ADNP: variants seen among roughly 807,000 people sequenced by gnomAD.
ADNP encodes activity dependent neuroprotector homeobox.
Under a neutral mutation model 84.9 loss-of-function variants are expected in ADNP, and 4 were observed. That is an observed-to-expected ratio of 0.05 (90% CI 0.02 to 0.11). The LOEUF is 0.11. Ranked by LOEUF, ADNP falls within the 10% of genes least tolerant of loss-of-function variation. ADNP has a pLI of 1.00. For missense variants in ADNP, 1,132 were observed against 1,326.0 expected, an observed-to-expected ratio of 0.85 and a Z score of 2.27; for synonymous variants, 554 against 468.1, an observed-to-expected ratio of 1.18 and a Z score of -2.37.
At chr20:50,927,155 TA>T (rs942903785) in intron 2 of ADNP, among the ~76,000 whole-genome samples, 1 of 152,154 alleles carries the variant, frequency 6.6e-6, no homozygotes, top group African/African-American at 2.4e-5. Context: ...GTTCTTATTT[TA>T]ATATAAATAG....
chr20:50,894,655 G>A, intron 5 of ADNP, 143 bp from the exon 6 acceptor site: 1 of 890,852 alleles, frequency 1.1e-6, no homozygotes, highest in Non-Finnish European at 1.6e-6. Context: ...AGCACTTTGG[G>A]AGGCTGAGGT....
In ADNP at chr20:50,930,954, G is replaced by GCTCCGGCTCGGCGGA. The variant is rs1006023895; in HGVS notation, c.-408_-394dup. On this transcript the variant is annotated 5_prime_UTR_variant, in exon 1 of 6. Coordinates refer to ENST00000621696, the MANE Select transcript of ADNP (RefSeq NM_001282531.3). Reference sequence around the variant, plus strand: ...GAGGGCGCGCCCGGGGCCTCGTCGCGCTCCGGCTCGGCGGACTCCGGCTCG... The same window carrying GCTCCGGCTCGGCGGA: ...GAGGGCGCGCCCGGGGCCTCGTCGCGCTCCGGCTCGGCGGACTCCGGCTCGGCGGACTCCGGCTCG... 1.4e-5 allele frequency: 2 copies of GCTCCGGCTCGGCGGA among 144,516 alleles called. No homozygotes were observed. The highest frequency in any genetic ancestry group is 3.1e-5 in the Non-Finnish European group (2 of 64,926). 9.0% of individuals were successfully genotyped at this position (144,516 alleles called of 1,614,324 possible).
At chr20:50,926,975 C>T (rs1410526263) in intron 2 of ADNP, among the ~76,000 whole-genome samples, 1 of 152,076 alleles carries the variant, frequency 6.6e-6, no homozygotes, top group Non-Finnish European at 1.5e-5. Flanking sequence ...CTTTTTAATA[C>T]TTTCAAAACG....
chr20:50,923,706 TGG>T (rs1318285060), intron 2 of ADNP, among the ~76,000 whole-genome samples: 2 of 152,070 alleles, frequency 1.3e-5, no homozygotes, highest in African/African-American at 4.8e-5. Context: ...TTAGTAGAGA[TGG>T]GGTTTCACCA....
intron 2 of ADNP, among the ~76,000 whole-genome samples, chr20:50,923,724 G>T (rs560614251): frequency 1.6e-4 from 24 of 152,178 alleles, no homozygotes; most frequent in African/African-American, 5.8e-4. Context: ...CACCATGTTG[G>T]CCAGGCTGGT....
intron 5 of ADNP, among the ~76,000 whole-genome samples, chr20:50,899,916 G>A (rs895111918): frequency 6.9e-6 from 1 of 145,074 alleles, no homozygotes; most frequent in African/African-American, 2.6e-5. Context: ...ATTATGAAGA[G>A]TGAAAGGACA....
intron 2 of ADNP, among the ~76,000 whole-genome samples, chr20:50,915,235 C>A (rs952839117): frequency 1.1e-4 from 17 of 152,124 alleles, no homozygotes; most frequent in Non-Finnish European, 1.9e-4. Flanking sequence ...CTGTCTATAT[C>A]ACTCATTGAG....
chr20:50,911,193 G>GT (rs1406063539), intron 2 of ADNP, among the ~76,000 whole-genome samples: 4 of 152,182 alleles, frequency 2.6e-5, no homozygotes, highest in South Asian at 2.1e-4. Flanking sequence ...CATGATATTT[G>GT]TATCTGTGCA....
rs2014190974 is a variant in ADNP at position 50,904,777 on chromosome 20, C to G, written c.-17G>C. ...AGAAAAATGCTTACCAGTTCATCAT[C>G]ATTACAGTTTTGAGTGCCAGGGTAA... On this transcript the variant is annotated 5_prime_UTR_variant, in exon 3 of 6. It removes an upstream start codon present in the reference 5' UTR. Coordinates refer to ENST00000621696, the MANE Select transcript of ADNP (RefSeq NM_001282531.3). 6.6e-6 allele frequency: 1 copy of G among 152,160 alleles called. No homozygotes were observed. Among genetic ancestry groups the G allele is most frequent in the African/African-American group, 2.4e-5 (1 of 41,428 alleles). The allele number at this position is 152,160 out of a possible 1,614,324, so 9.4% of individuals were successfully genotyped here.
At chr20:50,923,282 C>T (rs1237848425) in intron 2 of ADNP, among the ~76,000 whole-genome samples, 1 of 152,140 alleles carries the variant, frequency 6.6e-6, no homozygotes, top group African/African-American at 2.4e-5. Flanking sequence ...TTATGCTCTA[C>T]CGAAACTACT....
intron 2 of ADNP, among the ~76,000 whole-genome samples, chr20:50,915,341 T>C (rs1385976081): frequency 6.6e-6 from 1 of 152,224 alleles, no homozygotes; most frequent in Non-Finnish European, 1.5e-5. Flanking sequence ...GTAGTGAACA[T>C]ACTTTATTTG....
chr20:50,906,185 A>G lies in ADNP; in HGVS notation c.-89-1336T>C, dbSNP rs1982456653. Among the ~76,000 whole-genome samples the G allele has an allele frequency of 2.0e-5, 3 of 152,196 alleles. No homozygotes were observed. In the South Asian group the frequency reaches 6.2e-4, roughly 31 times the overall value. The stretch of plus-strand genomic sequence containing the variant: ...CAAGATCGCACCACTGCACTCCAGC[A>G]TGGCGAGAGCGAGATTCCATCTCAA... On this transcript the variant is annotated intron_variant, in intron 2 of 5. Coordinates refer to ENST00000621696, the MANE Select transcript of ADNP (RefSeq NM_001282531.3).
chr20:50,908,328 A>C (rs1982697083), intron 2 of ADNP, among the ~76,000 whole-genome samples: 1 of 152,192 alleles, frequency 6.6e-6, no homozygotes, highest in African/African-American at 2.4e-5. Context: ...ATAACAAGCC[A>C]AACAATTCTT....
intron 4 of ADNP, 48 bp downstream of exon 4, chr20:50,903,841 G>C (rs767413035): frequency 7.1e-6 from 10 of 1,410,160 alleles, no homozygotes; most frequent in South Asian, 1.2e-5. Flanking sequence ...CAAAGTAATG[G>C]ATCAGAAGCT....
chr20:50,899,073 T>C (rs561803259), intron 5 of ADNP, among the ~76,000 whole-genome samples: 7 of 151,896 alleles, frequency 4.6e-5, no homozygotes, highest in African/African-American at 1.7e-4. Flanking sequence ...CAAACAAATG[T>C]AGATCAAAGA....
chr20:50,913,486 A>C (rs1983248774), intron 2 of ADNP, among the ~76,000 whole-genome samples: 1 of 152,140 alleles, frequency 6.6e-6, no homozygotes, highest in Non-Finnish European at 1.5e-5. Flanking sequence ...TTTAAGAGTA[A>C]GATTTTTGAA....
chr20:50,923,916 G>A lies in ADNP; in HGVS notation c.-90+4735C>T, dbSNP rs944586346. 2.0e-5 allele frequency among the ~76,000 whole-genome samples: 3 copies of A among 152,208 alleles called. No homozygotes were observed. The East Asian group carries it at 5.8e-4, about 29-fold the overall frequency. On this transcript the variant is annotated intron_variant, in intron 2 of 5. Transcript: ENST00000621696. ...GTCTCAGCTCACTTCTTTCACAAGA[G>A]CAAGGATTCTGTCAACCTAAATTTA... is the stretch of plus-strand genomic sequence containing the variant.
In ADNP at chr20:50,894,486, G is replaced by A; in HGVS notation, c.228C>T (p.Cys76=). ...NQDYRTKPFC[C]SACPFSSKFF... is the part of the protein sequence containing the mutation. ...ATTTTGAGGAAAATGGACAAGCGCT[G>A]CAGCAGAAAGGTTTTGTCCGATAGT... Residue 76 remains cysteine, a synonymous_variant, in exon 6 of 6, where the codon TGC becomes TGT. Transcript: ENST00000621696. 1 of 1,600,370 alleles carries A rather than the reference G, an allele frequency of 6.2e-7. No individual in the cohort carries two copies. Among genetic ancestry groups the A allele is most frequent in the Non-Finnish European group, 8.5e-7 (1 of 1,176,096 alleles).
rs751919326 is a variant in ADNP, at chr20:50,906,963, G to GTTTTTT, written c.-89-2120_-89-2115dup. Among the ~76,000 whole-genome samples the GTTTTTT allele has an allele frequency of 1.3e-4, 15 of 119,256 alleles. 1 individual carries two copies. The highest frequency in any genetic ancestry group is 2.9e-4 in the South Asian group (1 of 3,500). 78.2% of individuals were successfully genotyped at this position (119,256 alleles called of 152,430 possible). On this transcript the variant is annotated intron_variant, in intron 2 of 5. Transcript: ENST00000621696. ...ATTTTTTTTTTGAGACAGGGTTCCA[G>GTTTTTT]TTTTTTTTTTTTGTTTTTTTTTTTG...
Sources: gnomAD v4.1 joint callset for allele counts (sites outside exome capture counted in the v4.1 genomes callset) on GRCh38, gnomAD v4.1.1 for gene constraint, MANE v1.5 for transcripts, NCBI Gene and HGNC (gene_info 2026-07-23, HGNC 2026-07-21) for gene names.